GAS2L3: variants seen among roughly 807,000 people sequenced by gnomAD.
GAS2L3 encodes the protein GAS2-like protein 3.
In GAS2L3, 28 loss-of-function variants were observed where a neutral mutation model predicts 37.0. The ratio of observed to expected loss-of-function variants is 0.76; its 90% CI spans 0.56 to 1.04. The LOEUF (loss-of-function observed/expected upper bound fraction) is 1.04, where lower values mean the gene tolerates loss of function less well. Ranked by LOEUF, GAS2L3 falls within the 50% of genes least tolerant of loss-of-function variation. GAS2L3 has a pLI of 0.00. For missense variants in GAS2L3, 793 were observed against 817.6 expected, an observed-to-expected ratio of 0.97 and a Z score of 0.37; for synonymous variants, 290 against 296.6, an observed-to-expected ratio of 0.98 and a Z score of 0.23.
intron 1 of GAS2L3, among the ~76,000 whole-genome samples, chr12:100,577,375 G>C (rs186934972): frequency 6.6e-6 from 1 of 151,906 alleles, no homozygotes; most frequent in African/African-American, 2.4e-5. Context: ...TCTTAAGTTC[G>C]TTAAAAAAAT....
rs1265155049 is a variant in GAS2L3 at position 100,623,896 on chromosome 12, T to C, written c.1091T>C (p.Leu364Pro). 1 of 1,614,136 alleles carries C rather than the reference T, an allele frequency of 6.2e-7. No homozygotes were observed. The change falls in exon 10 of 10, where the codon CTG (leucine) becomes CCG (proline). Residue 364 changes from leucine to proline, a missense_variant. Leu to Pro is a moderately conservative substitution (Grantham distance 98). Transcript: ENST00000547754. Reference protein sequence around the residue: ...VPASSLKGGNLGSMSVRSKLP... With the variant: ...VPASSLKGGNPGSMSVRSKLP... Reference sequence around the variant, plus strand: ...GCATCTTCACTGAAAGGAGGTAATCTGGGCTCTATGTCAGTCCGTTCTAAA... The same window carrying C: ...GCATCTTCACTGAAAGGAGGTAATCCGGGCTCTATGTCAGTCCGTTCTAAA...
At chr12:100,621,349 T>A (rs1008256503) in intron 8 of GAS2L3, among the ~76,000 whole-genome samples, 1 of 152,160 alleles carries the variant, frequency 6.6e-6, no homozygotes, top group Non-Finnish European at 1.5e-5. Context: ...CAAATATCTT[T>A]ACTTAATATA....
chr12:100,621,909 A>AAGAGAGAG lies in GAS2L3; in HGVS notation c.649-359_649-352dup, dbSNP rs1341375147. 8.0e-5 allele frequency among the ~76,000 whole-genome samples: 9 copies of AAGAGAGAG among 111,824 alleles called. No homozygotes were observed. In the East Asian group the frequency reaches 1.4e-3, roughly 18 times the overall value. 73.4% of individuals were successfully genotyped at this position (111,824 alleles called of 152,430 possible). A position where few individuals can be genotyped will look rare whatever the true frequency, so the allele number is the denominator to read the frequency against. On this transcript the variant is annotated intron_variant, in intron 8 of 9. Transcript: ENST00000547754. ...AGAGAGAGAGAGAGAGAGAGAGAGA[A>AAGAGAGAG]AGAGAGAGAGAGAGGCACTGAGAGA...
At chr12:100,583,833 G>A (rs139435075) in intron 1 of GAS2L3, among the ~76,000 whole-genome samples, 479 of 152,242 alleles carry the variant, frequency 3.1e-3, no homozygotes, top group Non-Finnish European at 4.9e-3. Flanking sequence ...CTAGCACCTT[G>A]ACCGTAATCA....
intron 1 of GAS2L3, among the ~76,000 whole-genome samples, chr12:100,590,847 T>G (rs982927407): frequency 6.6e-6 from 1 of 152,048 alleles, no homozygotes; most frequent in Non-Finnish European, 1.5e-5. Context: ...AACCAGACAT[T>G]GTGTGTTCTC....
intron 5 of GAS2L3, among the ~76,000 whole-genome samples, chr12:100,602,516 T>C (rs925210837): frequency 1.3e-5 from 2 of 151,822 alleles, no homozygotes; most frequent in African/African-American, 4.8e-5. Flanking sequence ...ATTTTGTGGG[T>C]ACATACTAGG....
intron 1 of GAS2L3, chr12:100,579,016 C>T (rs756473328): frequency 1.2e-6 from 1 of 827,424 alleles, no homozygotes; most frequent in South Asian, 1.3e-5. Context: ...AAGTCTATTA[C>T]TTGCCTCTGA....
intron 5 of GAS2L3, among the ~76,000 whole-genome samples, chr12:100,603,567 A>G (rs113329471): frequency 6.6e-6 from 1 of 151,920 alleles, no homozygotes; most frequent in Non-Finnish European, 1.5e-5. Context: ...GTTTGCAAAT[A>G]TTTTCTCCCA....
At chr12:100,611,446 T>A (rs746809660) in intron 5 of GAS2L3, among the ~76,000 whole-genome samples, 1 of 152,186 alleles carries the variant, frequency 6.6e-6, no homozygotes, top group Non-Finnish European at 1.5e-5. Context: ...TTGATCTTAC[T>A]GCTAATTTTG....
At chr12:100,623,046 ATAT>A (rs1222394815) in intron 9 of GAS2L3, among the ~76,000 whole-genome samples, 1 of 152,120 alleles carries the variant, frequency 6.6e-6, no homozygotes, top group Admixed American at 6.6e-5. Context: ...GTATTTAAAA[ATAT>A]TATTTCACCA....
Position 100,625,571 on chromosome 12 carries a change from T to G in GAS2L3, c.*681T>G, listed in dbSNP as rs907146222. 6.6e-6 allele frequency: 1 copy of G among 152,196 alleles called. No homozygotes were observed. Among genetic ancestry groups the G allele is most frequent in the African/African-American group, 2.4e-5 (1 of 41,454 alleles). The allele number at this position is 152,196 out of a possible 1,614,324, so 9.4% of individuals were successfully genotyped here. ...TTTTGGTTAAAAAAAATCCAACAAA[T>G]TAACTTACTGAAATATAAACAAATT... On this transcript the variant is annotated 3_prime_UTR_variant, in exon 10 of 10. Transcript: ENST00000547754.
chr12:100,594,604 C>G (rs916293229), intron 2 of GAS2L3, among the ~76,000 whole-genome samples: 4 of 151,520 alleles, frequency 2.6e-5, no homozygotes, highest in Admixed American at 1.3e-4. Context: ...CAAAACTGTC[C>G]AGATGGTTCA....
intron 3 of GAS2L3, among the ~76,000 whole-genome samples, chr12:100,597,962 G>T (rs568306889): frequency 1.4e-4 from 22 of 151,786 alleles, no homozygotes; most frequent in African/African-American, 2.4e-4. Context: ...TAAAAGTTTG[G>T]TTTTTTTAAA....
chr12:100,623,699 A>C lies in GAS2L3; in HGVS notation c.894A>C (p.Gly298=). The C allele has an allele frequency of 6.2e-7, 1 of 1,614,070 alleles. No individual in the cohort carries two copies. The highest frequency in any genetic ancestry group is 8.5e-7 in the Non-Finnish European group (1 of 1,179,976). ...AAAAAATTTTAGCATTTCAAAAAGG[A>C]GTTTCTAATGAAAGTGTACCTGATT... The part of the protein sequence containing the change: ...LEQKILAFQK[G]VSNESVPDSP... The change falls in exon 10 of 10, where the codon GGA becomes GGC. Residue 298 remains glycine (G), a synonymous_variant. Transcript: ENST00000547754.
intron 8 of GAS2L3, among the ~76,000 whole-genome samples, chr12:100,621,094 A>G (rs10860611): frequency 0.44 from 66,743 of 151,904 alleles, 15,740 homozygotes; most frequent in Non-Finnish European, 0.54. Context: ...CATTTGATTT[A>G]GGTAGATATT....
intron 1 of GAS2L3, chr12:100,578,975 A>G (rs1158488643): frequency 5.6e-6 from 5 of 899,662 alleles, no homozygotes; most frequent in Non-Finnish European, 9.2e-6. Context: ...TGGAAATCGA[A>G]AAGGCATCCG....
rs2136613292 is a variant in GAS2L3 at position 100,624,801 on chromosome 12, G to A, written c.1996G>A (p.Asp666Asn). The change falls in exon 10 of 10, where the codon GAT becomes AAT. Residue 666 changes from aspartate (D) to asparagine (N), a missense_variant. Transcript: ENST00000547754. ...ACCACCCTCATCTGTTAAGGATGCA[G>A]ATAGTGGAGATAAAAAACCTACTGC... ...RKPPSSVKDA[D>N]SGDKKPTAKK... The A allele has an allele frequency of 3.1e-6, 5 of 1,613,822 alleles. No individual in the cohort carries two copies. The highest frequency in any genetic ancestry group is 4.2e-6 in the Non-Finnish European group (5 of 1,179,924).
intron 1 of GAS2L3, among the ~76,000 whole-genome samples, chr12:100,580,720 A>G (rs193169823): frequency 3.0e-4 from 45 of 152,314 alleles, no homozygotes; most frequent in African/African-American, 1.0e-3. Flanking sequence ...TGTTAACATA[A>G]AATTAACAGG....
chr12:100,623,436 G>C (rs977495577), intron 9 of GAS2L3, 126 bp from the exon 10 acceptor site: 5 of 705,666 alleles, frequency 7.1e-6, no homozygotes, highest in Non-Finnish European at 9.1e-6. Flanking sequence ...TCAATTTGTA[G>C]TGAGGCTGTT....
Sources: allele counts gnomAD v4.1 joint callset (sites outside exome capture counted in the v4.1 genomes callset), GRCh38; gene constraint gnomAD v4.1.1; transcripts MANE v1.5; gene names NCBI Gene and HGNC (gene_info 2026-07-23, HGNC 2026-07-21).